The following ZNF385B variants were observed in gnomAD, a reference collection of about 807,000 sequenced individuals.
ZNF385B encodes the protein zinc finger protein 533.
ZNF385B carries 23 observed loss-of-function variants against 39.2 expected under a neutral mutation model. The observed-to-expected ratio is 0.59, with a 90% confidence interval of 0.42 to 0.83. The LOEUF is 0.83. Ranked by LOEUF, ZNF385B falls within the 40% of genes least tolerant of loss-of-function variation. The pLI is 0.00. For synonymous variants in ZNF385B, 205 were observed against 222.6 expected (o/e 0.92, Z 0.70); for missense variants, 552 against 598.9 (o/e 0.92, Z 0.82).
At chr2:179,521,489 T>C (rs1829283) in intron 4 of ZNF385B, among the ~76,000 whole-genome samples, 114,471 of 151,162 alleles carry the variant, frequency 0.76, 43,627 homozygotes, top group East Asian at 0.91. Flanking sequence ...TGTGAGCCAT[T>C]GTGCCCGGCC....
intron 3 of ZNF385B, among the ~76,000 whole-genome samples, chr2:179,692,082 C>T (rs985210586): frequency 1.3e-5 from 2 of 152,036 alleles, no homozygotes; most frequent in Admixed American, 1.3e-4. Flanking sequence ...CCTTATTGTA[C>T]TACCAAACAC....
intron 1 of ZNF385B, among the ~76,000 whole-genome samples, chr2:179,810,764 G>A (rs950678715): frequency 6.6e-6 from 1 of 152,122 alleles, no homozygotes; most frequent in Non-Finnish European, 1.5e-5. Context: ...TGGTGGAATA[G>A]AGGCTTTTAA....
intron 1 of ZNF385B, among the ~76,000 whole-genome samples, chr2:179,853,265 T>C (rs1383414): frequency 0.44 from 66,489 of 152,040 alleles, 16,066 homozygotes; most frequent in East Asian, 0.67. Flanking sequence ...CCTAGTTATA[T>C]AGACCCTGTT....
chr2:179,595,044 A>G (rs1687885045), intron 3 of ZNF385B, among the ~76,000 whole-genome samples: 1 of 152,210 alleles, frequency 6.6e-6, no homozygotes, highest in Admixed American at 6.5e-5. Flanking sequence ...AATTTTATGT[A>G]GGCATAAGAT....
intron 3 of ZNF385B, among the ~76,000 whole-genome samples, chr2:179,668,852 C>T (rs1695531381): frequency 6.6e-6 from 1 of 152,112 alleles, no homozygotes; most frequent in Non-Finnish European, 1.5e-5. Context: ...ATCTGAAGCA[C>T]TTTACCCTGT....
chr2:179,588,120 G>A (rs185653268), intron 3 of ZNF385B, among the ~76,000 whole-genome samples: 10 of 151,888 alleles, frequency 6.6e-5, no homozygotes, highest in Admixed American at 2.0e-4. Context: ...ACAGAGTCTC[G>A]CTCTGTCGCC....
chr2:179,469,199 C>G (rs2052458870), intron 6 of ZNF385B, among the ~76,000 whole-genome samples: 2 of 152,094 alleles, frequency 1.3e-5, no homozygotes, highest in Admixed American at 6.6e-5. Flanking sequence ...GCAGTGTTGT[C>G]CCATCTTTGG....
At chr2:179,818,316 C>A (rs2106578214) in intron 1 of ZNF385B, among the ~76,000 whole-genome samples, 1 of 152,234 alleles carries the variant, frequency 6.6e-6, no homozygotes, top group African/African-American at 2.4e-5. Context: ...GTGAAAATAT[C>A]CTAAAATGAT....
chr2:179,573,776 A>G (rs1685499067), intron 3 of ZNF385B, among the ~76,000 whole-genome samples: 1 of 152,132 alleles, frequency 6.6e-6, no homozygotes, highest in Non-Finnish European at 1.5e-5. Context: ...GAGGAAAAAG[A>G]CAAGTTGTGT....
At chr2:179,456,518 GAAACAAAAATCTT>G (rs990781779) in intron 6 of ZNF385B, among the ~76,000 whole-genome samples, 1 of 151,958 alleles carries the variant, frequency 6.6e-6, no homozygotes, top group African/African-American at 2.4e-5. Flanking sequence ...ACTCTGAAAG[GAAACAAAAATCTT>G]AAATACAGTT....
At chr2:179,472,955 A>G (rs754948757) in intron 6 of ZNF385B, among the ~76,000 whole-genome samples, 17 of 152,198 alleles carry the variant, frequency 1.1e-4, no homozygotes, top group Non-Finnish European at 2.2e-4. Context: ...AAAGAAAAAG[A>G]GCTAAGACAG....
At chr2:179,564,312 G>C (rs1297524227) in intron 3 of ZNF385B, among the ~76,000 whole-genome samples, 1 of 152,138 alleles carries the variant, frequency 6.6e-6, no homozygotes, top group Non-Finnish European at 1.5e-5. Flanking sequence ...AACTACAGGA[G>C]AGACAGAGGC....
At chr2:179,637,286 C>T (rs1691848983) in intron 3 of ZNF385B, 1 of 152,196 alleles carries the variant, frequency 6.6e-6, no homozygotes, top group Non-Finnish European at 1.5e-5. Context: ...CATCCCGACA[C>T]AGATAGCCTG....
At chr2:179,480,049 G>A (rs909951105) in intron 6 of ZNF385B, among the ~76,000 whole-genome samples, 3 of 152,130 alleles carry the variant, frequency 2.0e-5, no homozygotes, top group Non-Finnish European at 4.4e-5. Flanking sequence ...GAATGGAAAT[G>A]GAATTAGTCA....
At chr2:179,521,353 G>GTTTTTTTTTGTTTTTTTTTTTTT (rs2058482676) in intron 4 of ZNF385B, among the ~76,000 whole-genome samples, 1 of 108,172 alleles carries the variant, frequency 9.2e-6, no homozygotes, top group Non-Finnish European at 1.8e-5. Flanking sequence ...CACCTGGCCA[G>GTTTTTTTTTGTTTTTTTTTTTTT]TTTTTTTTTT....
At chr2:179,665,767 C>G (rs1695065260) in intron 3 of ZNF385B, among the ~76,000 whole-genome samples, 1 of 151,958 alleles carries the variant, frequency 6.6e-6, no homozygotes, top group Non-Finnish European at 1.5e-5. Context: ...AATAGATGCT[C>G]AGATATGTCA....
chr2:179,613,757 C>T (rs1011128641), intron 3 of ZNF385B, among the ~76,000 whole-genome samples: 13 of 151,984 alleles, frequency 8.6e-5, no homozygotes, highest in African/African-American at 3.1e-4. Context: ...TTGGCCAACC[C>T]AGCTCATTCC....
At chr2:179,756,444 A>T (rs1030848548) in intron 3 of ZNF385B, among the ~76,000 whole-genome samples, 6 of 152,008 alleles carry the variant, frequency 3.9e-5, no homozygotes, top group African/African-American at 1.5e-4. Context: ...GGTGAATGTG[A>T]CAATTATGTG....
At chr2:179,786,300 A>AT (rs1704996844) in intron 1 of ZNF385B, among the ~76,000 whole-genome samples, 1 of 152,098 alleles carries the variant, frequency 6.6e-6, no homozygotes, top group African/African-American at 2.4e-5. Flanking sequence ...AACCCATGAT[A>AT]TATCTGAGGT....
Sources: allele counts gnomAD v4.1 joint callset (sites outside exome capture counted in the v4.1 genomes callset), GRCh38; gene constraint gnomAD v4.1.1; transcripts MANE v1.5; gene names NCBI Gene and HGNC (gene_info 2026-07-23, HGNC 2026-07-21).